The following HS6ST3 variants were observed in gnomAD, a reference collection of about 807,000 sequenced individuals.
HS6ST3 encodes the protein heparan-sulfate 6-O-sulfotransferase 3.
Under a neutral mutation model 36.7 loss-of-function variants are expected in HS6ST3, and 12 were observed. The ratio of observed to expected loss-of-function variants is 0.33; its 90% CI spans 0.21 to 0.53. The LOEUF is 0.53. Ranked by LOEUF, HS6ST3 falls within the 20% of genes least tolerant of loss-of-function variation. HS6ST3 has a pLI of 0.95. For synonymous variants in HS6ST3, 240 were observed against 257.5 expected (o/e 0.93, Z 0.65); for missense variants, 584 against 640.9 (o/e 0.91, Z 0.96).
intron 1 of HS6ST3, among the ~76,000 whole-genome samples, chr13:96,222,765 A>G (rs2054462132): frequency 6.6e-6 from 1 of 152,234 alleles, no homozygotes; most frequent in Non-Finnish European, 1.5e-5. Context: ...TATGCCTTCT[A>G]TGCCATTTTT....
At chr13:96,428,366 A>G (rs1594778044) in intron 1 of HS6ST3, among the ~76,000 whole-genome samples, 1 of 152,194 alleles carries the variant, frequency 6.6e-6, no homozygotes, top group African/African-American at 2.4e-5. Context: ...CAAAAAAAGT[A>G]TCACGGACTG....
At position 96,219,718 on chromosome 13, in the gene HS6ST3, C is replaced by G. The variant is rs150526280; in HGVS notation, c.707+128149C>G. On this transcript the variant is annotated intron_variant, in intron 1 of 1. Coordinates refer to ENST00000376705, the MANE Select transcript of HS6ST3 (RefSeq NM_153456.4). ...TTTTTTTTTGAGACGAAGTCTCACT[C>G]TGTCATCCAGGCTGGAGTGCAGTGG... Among the ~76,000 whole-genome samples, 745 of 152,140 alleles carry G rather than the reference C, an allele frequency of 4.9e-3. 8 individuals are homozygous for G. Among genetic ancestry groups the G allele is most frequent in the African/African-American group, 0.017 (707 of 41,512 alleles).
At chr13:96,763,365 C>T (rs1189111088) in intron 1 of HS6ST3, among the ~76,000 whole-genome samples, 2 of 150,434 alleles carry the variant, frequency 1.3e-5, no homozygotes, top group Non-Finnish European at 3.0e-5. Flanking sequence ...ATGGCACACA[C>T]CTCTAATCCC....
chr13:96,522,449 G>C (rs898431924), intron 1 of HS6ST3, among the ~76,000 whole-genome samples: 11 of 152,118 alleles, frequency 7.2e-5, no homozygotes, highest in African/African-American at 2.7e-4. Context: ...TGACAGTGGG[G>C]TGTTAAAGTC....
chr13:96,689,936 AG>A (rs1874905511), intron 1 of HS6ST3, among the ~76,000 whole-genome samples: 1 of 152,100 alleles, frequency 6.6e-6, no homozygotes, highest in African/African-American at 2.4e-5. Flanking sequence ...GGGTAGAACA[AG>A]TAGGAAAAAT....
intron 1 of HS6ST3, among the ~76,000 whole-genome samples, chr13:96,601,865 C>A (rs2056422869): frequency 6.6e-6 from 1 of 152,112 alleles, no homozygotes; most frequent in Admixed American, 6.5e-5. Flanking sequence ...CTTTCCATGG[C>A]AAAGACTCTG....
chr13:96,788,690 G>GT lies in HS6ST3; in HGVS notation c.708-43794dup, dbSNP rs1435731305. Among the ~76,000 whole-genome samples the GT allele has an allele frequency of 2.0e-5, 3 of 151,746 alleles. No individual in the cohort carries two copies. In the East Asian group the frequency reaches 5.8e-4, roughly 29 times the overall value. On this transcript the variant is annotated intron_variant, in intron 1 of 1. Coordinates refer to ENST00000376705, the MANE Select transcript of HS6ST3 (RefSeq NM_153456.4). ...TCAGTTATATCCATTTCTGCTTCATGTTTTTTGAAGTTCTATTGTTAGGTG... is the reference window on the plus strand; with the variant it reads ...TCAGTTATATCCATTTCTGCTTCATGTTTTTTTGAAGTTCTATTGTTAGGTG...
intron 1 of HS6ST3, among the ~76,000 whole-genome samples, chr13:96,739,219 TTGTGTGTG>T (rs3138578): frequency 0.074 from 9,357 of 125,890 alleles, 589 homozygotes; most frequent in East Asian, 0.29. Context: ...CGACATTTGC[TTGTGTGTG>T]TGTGTGTGTG....
intron 1 of HS6ST3, among the ~76,000 whole-genome samples, chr13:96,794,183 C>T (rs1594861555): frequency 6.6e-6 from 1 of 152,116 alleles, no homozygotes; most frequent in Middle Eastern, 3.4e-3. Flanking sequence ...CTGAAAAATC[C>T]AGATGCTTTA....
intron 1 of HS6ST3, among the ~76,000 whole-genome samples, chr13:96,094,968 A>G (rs1380769768): frequency 1.3e-5 from 2 of 152,158 alleles, no homozygotes; most frequent in East Asian, 3.8e-4. Flanking sequence ...CTGCATGTCC[A>G]GAGCCTTAAA....
At chr13:96,118,702 T>A in intron 1 of HS6ST3, among the ~76,000 whole-genome samples, 3 of 89,168 alleles carry the variant, frequency 3.4e-5, no homozygotes, top group African/African-American at 1.4e-4. Context: ...TTTTTTTTTT[T>A]TTTTTTTTTT....
At chr13:96,167,324 A>G (rs974490513) in intron 1 of HS6ST3, among the ~76,000 whole-genome samples, 2 of 152,196 alleles carry the variant, frequency 1.3e-5, no homozygotes, top group Admixed American at 6.5e-5. Flanking sequence ...TAAGAAAGAG[A>G]TATCTTTAAC....
At chr13:96,307,321 C>A (rs907960708) in intron 1 of HS6ST3, among the ~76,000 whole-genome samples, 2 of 152,034 alleles carry the variant, frequency 1.3e-5, no homozygotes, top group Non-Finnish European at 2.9e-5. Flanking sequence ...AGAGCAATAG[C>A]CACGCATTTC....
At chr13:96,145,167 C>A (rs1245150707) in intron 1 of HS6ST3, among the ~76,000 whole-genome samples, 2 of 144,096 alleles carry the variant, frequency 1.4e-5, no homozygotes, top group African/African-American at 5.2e-5. Context: ...GGGTATATAC[C>A]CAGTAATGGG....
intron 1 of HS6ST3, among the ~76,000 whole-genome samples, chr13:96,293,265 G>A (rs181575544): frequency 1.6e-4 from 25 of 152,154 alleles, no homozygotes; most frequent in African/African-American, 5.8e-4. Flanking sequence ...GTTTTGCTCC[G>A]ATACCTTGAG....
chr13:96,168,586 C>T (rs146925340), intron 1 of HS6ST3, among the ~76,000 whole-genome samples: 1,785 of 151,834 alleles, frequency 0.012, 33 homozygotes, highest in African/African-American at 0.041. Flanking sequence ...TACCTATAGT[C>T]CCAGCTACTC....
At chr13:96,459,965 C>A (rs540389705) in intron 1 of HS6ST3, among the ~76,000 whole-genome samples, 1 of 152,264 alleles carries the variant, frequency 6.6e-6, no homozygotes, top group African/African-American at 2.4e-5. Context: ...TTGCTTGATT[C>A]TTCTTGTGAG....
chr13:96,726,955 G>A (rs1014804788), intron 1 of HS6ST3, among the ~76,000 whole-genome samples: 1 of 152,084 alleles, frequency 6.6e-6, no homozygotes, highest in African/African-American at 2.4e-5. Context: ...CTGGATTCAT[G>A]TGCTTTCTTT....
At chr13:96,366,689 G>T (rs2055264764) in intron 1 of HS6ST3, among the ~76,000 whole-genome samples, 1 of 152,072 alleles carries the variant, frequency 6.6e-6, no homozygotes, top group African/African-American at 2.4e-5. Flanking sequence ...TACCCCAGAT[G>T]ATTCTGGTGG....
Sources: allele counts gnomAD v4.1 joint callset (sites outside exome capture counted in the v4.1 genomes callset), GRCh38; gene constraint gnomAD v4.1.1; transcripts MANE v1.5; gene names NCBI Gene and HGNC (gene_info 2026-07-23, HGNC 2026-07-21).